Variants in FAM20A observed in about 807,000 individuals in gnomAD.
FAM20A encodes FAM20A golgi associated secretory pathway pseudokinase.
A neutral mutation model predicts 52.0 loss-of-function variants in FAM20A; 42 were observed. That is an observed-to-expected ratio of 0.81 (90% CI 0.63 to 1.04). FAM20A has a LOEUF of 1.04. Ranked by LOEUF, FAM20A falls within the 50% of genes least tolerant of loss-of-function variation. The probability of loss-of-function intolerance (pLI) is 0.00; values close to 1 mark genes in which losing one functional copy is unlikely to be tolerated. For synonymous variants in FAM20A, 304 were observed against 298.9 expected (o/e 1.02, Z -0.18); for missense variants, 742 against 712.7 (o/e 1.04, Z -0.47).
At chr17:68,554,049 C>T (rs62087504) in intron 3 of FAM20A, among the ~76,000 whole-genome samples, 15,406 of 72,388 alleles carry the variant, frequency 0.21, 3,072 homozygotes, top group African/African-American at 0.51. Context: ...CATATATACA[C>T]ATATACACAT....
chr17:68,566,447 T>C (rs1042984411), intron 1 of FAM20A, among the ~76,000 whole-genome samples: 2 of 152,310 alleles, frequency 1.3e-5, no homozygotes, highest in Admixed American at 1.3e-4. Flanking sequence ...GGTTACAAAA[T>C]ATTTTAGGGG....
intron 1 of FAM20A, among the ~76,000 whole-genome samples, chr17:68,559,167 C>T (rs781436014): frequency 1.8e-4 from 27 of 152,172 alleles, no homozygotes; most frequent in Admixed American, 1.8e-3. Context: ...GCAATTTGTA[C>T]TCAAAAATAA....
At chr17:68,565,803 C>T (rs1367863869) in intron 1 of FAM20A, among the ~76,000 whole-genome samples, 1 of 152,148 alleles carries the variant, frequency 6.6e-6, no homozygotes, top group African/African-American at 2.4e-5. Flanking sequence ...AGTCTTCTTC[C>T]CTTCTCCACT....
intron 1 of FAM20A, among the ~76,000 whole-genome samples, chr17:68,581,386 C>CTTTT (rs1377359743): frequency 2.1e-4 from 30 of 144,376 alleles, no homozygotes; most frequent in Non-Finnish European, 3.6e-4. Flanking sequence ...TTCTTTCTTT[C>CTTTT]TTTCTTTCTT....
intron 1 of FAM20A, among the ~76,000 whole-genome samples, chr17:68,596,760 G>A (rs1194369162): frequency 2.6e-5 from 4 of 152,198 alleles, no homozygotes; most frequent in African/African-American, 7.2e-5. Flanking sequence ...GCTTGATGGA[G>A]CCTGGCGTTG....
At chr17:68,555,831 T>C in intron 1 of FAM20A, 88 bp from the exon 2 acceptor site, 2 of 1,430,220 alleles carry the variant, frequency 1.4e-6, no homozygotes, top group South Asian at 2.3e-5. Context: ...ATTCATCCTT[T>C]CATTTATTCC....
intron 3 of FAM20A, among the ~76,000 whole-genome samples, chr17:68,554,057 C>CATAT (rs371446921): frequency 4.6e-5 from 6 of 131,520 alleles, no homozygotes; most frequent in African/African-American, 6.4e-5. Context: ...CACATATACA[C>CATAT]ATATACACAC....
intron 3 of FAM20A, among the ~76,000 whole-genome samples, chr17:68,553,529 C>T (rs547205864): frequency 6.6e-6 from 1 of 152,224 alleles, no homozygotes; most frequent in South Asian, 2.1e-4. Context: ...TCCAGACCCA[C>T]CTATAACCAG....
intron 1 of FAM20A, among the ~76,000 whole-genome samples, chr17:68,589,849 A>G (rs2088255556): frequency 6.6e-6 from 1 of 152,226 alleles, no homozygotes; most frequent in South Asian, 2.1e-4. Flanking sequence ...AACATTCAAA[A>G]TTGGATGTAA....
rs1438034775 is a variant in FAM20A, at chr17:68,537,818, C to CTT, written c.1362-78_1362-77insAA. The CTT allele has an allele frequency of 6.7e-7, 1 of 1,496,828 alleles. No homozygotes were observed. The highest frequency in any genetic ancestry group is 9.1e-7 in the Non-Finnish European group (1 of 1,101,376). 92.7% of individuals were successfully genotyped at this position (1,496,828 alleles called of 1,614,324 possible). A position where few individuals can be genotyped will look rare whatever the true frequency, so the allele number is the denominator to read the frequency against. On this transcript the variant is annotated intron_variant, in intron 10 of 10. Transcript: ENST00000592554. The surrounding 1 kb of genome is among the most constrained non-coding windows in gnomAD (Gnocchi z 4.2). The stretch of plus-strand genomic sequence containing the variant: ...TTGCCTGAACTTCTTTCCCCACAAA[C>CTT]AGCTGTTGTAGCTGATACTCTTGGC...
chr17:68,572,034 A>ATATT (rs2143803777), intron 1 of FAM20A, among the ~76,000 whole-genome samples: 1 of 112,444 alleles, frequency 8.9e-6, no homozygotes, highest in East Asian at 2.8e-4. Flanking sequence ...ATATATATAT[A>ATATT]TATATATGTA....
At chr17:68,595,794 CT>C (rs1335210757) in intron 1 of FAM20A, among the ~76,000 whole-genome samples, 1 of 152,212 alleles carries the variant, frequency 6.6e-6, no homozygotes, top group Non-Finnish European at 1.5e-5. Context: ...TCAGAGCGTT[CT>C]AGGGCAGGCA....
chr17:68,552,666 CTTTTT>C lies in FAM20A; in HGVS notation c.641-720_641-716del, dbSNP rs576230517. On this transcript the variant is annotated intron_variant, in intron 3 of 10. Coordinates refer to ENST00000592554, the MANE Select transcript of FAM20A (RefSeq NM_017565.4). ...TGGAGCCCTGTAAACCTTTATTTTCCTTTTTTTTTTTTTTTTTTTTTTTTTTGAGA... is the reference window on the plus strand; with the variant it reads ...TGGAGCCCTGTAAACCTTTATTTTCCTTTTTTTTTTTTTTTTTTTTTGAGA... Among the ~76,000 whole-genome samples the C allele has an allele frequency of 4.2e-4, 28 of 66,840 alleles. No homozygotes were observed. The East Asian group carries it at 4.3e-3, about 10-fold the overall frequency. 43.8% of individuals were successfully genotyped at this position (66,840 alleles called of 152,430 possible). A position where few individuals can be genotyped will look rare whatever the true frequency, so the allele number is the denominator to read the frequency against.
intron 7 of FAM20A, chr17:68,541,361 T>G (rs1393414733): frequency 4.1e-6 from 1 of 245,712 alleles, no homozygotes; most frequent in Non-Finnish European, 8.1e-6. Context: ...CACATGGTTT[T>G]CTGCCTACAA....
chr17:68,595,311 C>T (rs1043448948), intron 1 of FAM20A, among the ~76,000 whole-genome samples: 1 of 152,212 alleles, frequency 6.6e-6, no homozygotes, highest in African/African-American at 2.4e-5. Flanking sequence ...GATGCTCTCC[C>T]TGATTTAGGT....
At chr17:68,573,485 CT>C (rs913269606) in intron 1 of FAM20A, among the ~76,000 whole-genome samples, 4 of 147,232 alleles carry the variant, frequency 2.7e-5, no homozygotes, top group Non-Finnish European at 6.0e-5. Context: ...CTCTTTCTTT[CT>C]TTCCTTTCTT....
intron 1 of FAM20A, among the ~76,000 whole-genome samples, chr17:68,572,676 TCAG>T (rs2087599198): frequency 6.6e-6 from 1 of 152,254 alleles, no homozygotes; most frequent in Non-Finnish European, 1.5e-5. Flanking sequence ...TGACTCATCA[TCAG>T]AATTCTATGG....
At chr17:68,576,382 T>C (rs1291572071) in intron 1 of FAM20A, among the ~76,000 whole-genome samples, 4 of 152,174 alleles carry the variant, frequency 2.6e-5, no homozygotes, top group Non-Finnish European at 5.9e-5. Flanking sequence ...ACCTGCCTGG[T>C]GAGTGGCAGG....
rs537838947 is a variant in FAM20A at position 68,600,849 on chromosome 17, C to G, written c.-183G>C. The G allele has an allele frequency of 5.0e-6, 3 of 604,836 alleles. No individual in the cohort carries two copies. The East Asian group carries it at 9.5e-5, about 19-fold the overall frequency. The allele number at this position is 604,836 out of a possible 1,614,324, so 37.5% of individuals were successfully genotyped here. ...GGGGTGTCGCTCCTCAACTTGGGGA[C>G]CAGGTGCACGGAGCACCGGGGCTCT... On this transcript the variant is annotated 5_prime_UTR_variant, in exon 1 of 11. Transcript: ENST00000592554. This position sits in a 1 kb window ranked among gnomAD's most constrained non-coding sequence, Gnocchi z 6.2.
Sources: gnomAD v4.1 joint callset for allele counts (sites outside exome capture counted in the v4.1 genomes callset) on GRCh38, gnomAD v4.1.1 for gene constraint, Gnocchi (gnomAD v3.1) non-coding constraint, MANE v1.5 for transcripts, NCBI Gene and HGNC (gene_info 2026-07-23, HGNC 2026-07-21) for gene names.